Variants in ACTR3 observed in about 807,000 individuals in gnomAD.
The protein encoded by ACTR3 is actin-related protein 3.
Under a neutral mutation model 56.8 loss-of-function variants are expected in ACTR3, and 12 were observed. The ratio of observed to expected loss-of-function variants is 0.21; its 90% confidence interval spans 0.14 to 0.34. The LOEUF (loss-of-function observed/expected upper bound fraction) is 0.34. Ranked by LOEUF, ACTR3 falls within the 10% of genes least tolerant of loss-of-function variation. ACTR3 has a pLI of 1.00. For synonymous variants in ACTR3, 162 were observed against 167.4 expected (o/e 0.97, Z 0.25); for missense variants, 282 against 512.5 (o/e 0.55, Z 4.34).
intron 3 of ACTR3, among the ~76,000 whole-genome samples, chr2:113,918,694 T>TA (rs1679453100): frequency 1.3e-5 from 2 of 152,322 alleles, no homozygotes; most frequent in Non-Finnish European, 2.9e-5. Context: ...CCAGGATTGT[T>TA]ATAAGGCTTA....
chr2:113,919,667 A>G (rs1206282839), intron 3 of ACTR3, among the ~76,000 whole-genome samples: 1 of 152,166 alleles, frequency 6.6e-6, no homozygotes, highest in African/African-American at 2.4e-5. Flanking sequence ...AATTGAGGGT[A>G]ATTCCCAGCT....
chr2:113,955,610 T>C lies in ACTR3; in HGVS notation c.1078-13T>C. ...ATTTACTATGAAGATGATCATACTA[T>C]GTCTTTCTTTAGCCAAAACCTATTG... is the stretch of plus-strand genomic sequence containing the variant. On this transcript the variant is annotated splice_polypyrimidine_tract_variant and intron_variant, in intron 10 of 11. Coordinates refer to ENST00000263238, the MANE Select transcript of ACTR3 (RefSeq NM_005721.5). 1 of 1,585,148 alleles carries C rather than the reference T, an allele frequency of 6.3e-7. No homozygotes were observed.
At chr2:113,909,997 C>T (rs1408226132) in intron 1 of ACTR3, among the ~76,000 whole-genome samples, 2 of 152,118 alleles carry the variant, frequency 1.3e-5, no homozygotes, top group African/African-American at 4.8e-5. Context: ...ACTCCATATT[C>T]GGACATACAA....
intron 1 of ACTR3, among the ~76,000 whole-genome samples, chr2:113,909,998 G>A (rs1679272691): frequency 6.6e-6 from 1 of 152,002 alleles, no homozygotes; most frequent in South Asian, 2.1e-4. Context: ...CTCCATATTC[G>A]GACATACAAC....
In ACTR3 at chr2:113,957,341, AC is replaced by A; in HGVS notation, c.1162-18del. ...GTAGATTTTTGACCCTTATAAAAAT[AC>A]ATATTTTTTGTTTTCAGCCTGAGTT... On this transcript the variant is annotated intron_variant, in intron 11 of 11. Coordinates refer to ENST00000263238, the MANE Select transcript of ACTR3 (RefSeq NM_005721.5). 1 of 1,584,370 alleles carries A rather than the reference AC, an allele frequency of 6.3e-7. No individual in the cohort carries two copies. Among genetic ancestry groups the A allele is most frequent in the Non-Finnish European group, 8.7e-7 (1 of 1,153,482 alleles).
At chr2:113,940,238 T>C (rs765064231) in intron 7 of ACTR3, 136 bp downstream of exon 7, 43 of 647,584 alleles carry the variant, frequency 6.6e-5, no homozygotes, top group African/African-American at 1.9e-5. Flanking sequence ...CCCTTAAATA[T>C]ATTTACATTT....
At chr2:113,890,873 G>A (rs532563714) in intron 1 of ACTR3, 155 of 817,622 alleles carry the variant, frequency 1.9e-4, no homozygotes, top group Non-Finnish European at 2.2e-4. Flanking sequence ...CTACAGTGGG[G>A]CTTTCATTTG....
Position 113,947,229 on chromosome 2 carries a change from C to A in ACTR3, c.859-4250C>A, listed in dbSNP as rs566033329. On this transcript the variant is annotated intron_variant, in intron 8 of 11. Coordinates refer to ENST00000263238, the MANE Select transcript of ACTR3 (RefSeq NM_005721.5). ...CAGGAATTAGAAAATTGCAGAAGATCCTGAGCAAATGTCCTGCATGAATAG... is the reference window on the plus strand; with the variant it reads ...CAGGAATTAGAAAATTGCAGAAGATACTGAGCAAATGTCCTGCATGAATAG... Among the ~76,000 whole-genome samples the A allele has an allele frequency of 2.0e-5, 3 of 152,280 alleles. No homozygotes were observed. In the East Asian group the frequency reaches 5.8e-4, roughly 29 times the overall value.
chr2:113,932,807 T>G (rs35503998), intron 5 of ACTR3, among the ~76,000 whole-genome samples: 11,171 of 152,156 alleles, frequency 0.073, 456 homozygotes, highest in African/African-American at 0.1. Flanking sequence ...TTTAAGATTG[T>G]CAAAAAATAA....
In ACTR3 at chr2:113,958,128, CA is replaced by C. The variant is rs1411965419; in HGVS notation, c.*675del. 6.6e-6 allele frequency: 1 copy of C among 152,546 alleles called. No homozygotes were observed. Among genetic ancestry groups the C allele is most frequent in the East Asian group, 1.9e-4 (1 of 5,206 alleles). 9.4% of individuals were successfully genotyped at this position (152,546 alleles called of 1,614,324 possible). A position where few individuals can be genotyped will look rare whatever the true frequency, so the allele number is the denominator to read the frequency against. ...TCTTGCTTTAAAAGAAGAGTAAAGA[CA>C]AGAGTGTTGGACCAGTATTGCAGTT... On this transcript the variant is annotated 3_prime_UTR_variant, in exon 12 of 12. Coordinates refer to ENST00000263238, the MANE Select transcript of ACTR3 (RefSeq NM_005721.5).
Position 113,951,930 on chromosome 2 carries a change from T to C in ACTR3, c.1077+85T>C, listed in dbSNP as rs1453256673. On this transcript the variant is annotated intron_variant, in intron 10 of 11. Transcript: ENST00000263238. ...AATATTTGCCAGCATTCACTCTGAT[T>C]TAGAAAAATAAGAGGAACCTGTCAG... 4 of 1,550,614 alleles carry C rather than the reference T, an allele frequency of 2.6e-6. No individual in the cohort carries two copies. The Admixed American group carries it at 7.2e-5, about 28-fold the overall frequency.
intron 8 of ACTR3, among the ~76,000 whole-genome samples, chr2:113,949,640 T>A (rs1680086132): frequency 6.6e-6 from 1 of 152,064 alleles, no homozygotes; most frequent in African/African-American, 2.4e-5. Flanking sequence ...TAACTCAGTG[T>A]AACCTCGAAT....
At chr2:113,909,127 C>G (rs944634790) in intron 1 of ACTR3, among the ~76,000 whole-genome samples, 1 of 151,834 alleles carries the variant, frequency 6.6e-6, no homozygotes, top group African/African-American at 2.4e-5. Context: ...TTACTGCTCC[C>G]CAAAATGTAG....
chr2:113,925,285 T>C (rs1158762236), intron 3 of ACTR3, among the ~76,000 whole-genome samples: 1 of 148,014 alleles, frequency 6.8e-6, no homozygotes, highest in Non-Finnish European at 1.5e-5. Context: ...AACCTCCGCC[T>C]CCTGGGTTCA....
intron 5 of ACTR3, 184 bp from the exon 6 acceptor site, chr2:113,934,095 T>A: frequency 1.8e-6 from 1 of 546,574 alleles, no homozygotes; most frequent in Non-Finnish European, 3.2e-6. Flanking sequence ...CTTAATAAAA[T>A]GTAGGGAGTG....
chr2:113,900,439 G>A (rs934406719), intron 1 of ACTR3, among the ~76,000 whole-genome samples: 11 of 152,094 alleles, frequency 7.2e-5, no homozygotes, highest in African/African-American at 1.9e-4. Flanking sequence ...TGCTGTAGTC[G>A]TTGTCTTCAG....
chr2:113,911,903 A>AT (rs1405582660), intron 1 of ACTR3, among the ~76,000 whole-genome samples: 2 of 151,400 alleles, frequency 1.3e-5, no homozygotes, highest in African/African-American at 2.4e-5. Flanking sequence ...TGCCTGGCTA[A>AT]TTTTGTATTT....
chr2:113,894,952 A>G (rs1441001701), intron 1 of ACTR3, among the ~76,000 whole-genome samples: 1 of 151,838 alleles, frequency 6.6e-6, no homozygotes, highest in Non-Finnish European at 1.5e-5. Context: ...TAGTAAAGTT[A>G]ACTGTATTTC....
chr2:113,932,966 T>C (rs1679750771), intron 5 of ACTR3, among the ~76,000 whole-genome samples: 1 of 152,220 alleles, frequency 6.6e-6, no homozygotes, highest in Admixed American at 6.5e-5. Flanking sequence ...TAAGTTTAGT[T>C]GTTTTTAATT....
Sources: gnomAD v4.1 joint callset for allele counts (sites outside exome capture counted in the v4.1 genomes callset) on GRCh38, gnomAD v4.1.1 for gene constraint, MANE v1.5 for transcripts, NCBI Gene and HGNC (gene_info 2026-07-23, HGNC 2026-07-21) for gene names.